KDM2B: variants seen among roughly 807,000 people sequenced by gnomAD.
KDM2B encodes the protein lysine-specific demethylase 2B.
KDM2B carries 26 observed loss-of-function variants against 150.0 expected under a neutral mutation model. The observed-to-expected ratio is 0.17, with a 90% confidence interval of 0.13 to 0.24. The LOEUF is 0.24. Among genes scored for constraint, KDM2B ranks in the 10% least tolerant of loss-of-function variants. KDM2B has a pLI of 1.00. For synonymous variants in KDM2B, 734 were observed against 729.5 expected (o/e 1.01, Z -0.10); for missense variants, 1,265 against 1,816.9 (o/e 0.70, Z 5.52).
intron 12 of KDM2B, among the ~76,000 whole-genome samples, chr12:121,484,435 G>A (rs1593908838): frequency 6.6e-6 from 1 of 152,200 alleles, no homozygotes; most frequent in Non-Finnish European, 1.5e-5. Context: ...ATGAAAGGAA[G>A]ATGAGAGGAA....
rs1370221987 is a variant in KDM2B at position 121,572,729 on chromosome 12, C to T, written c.397+1818G>A. On this transcript the variant is annotated intron_variant, in intron 4 of 22. Coordinates refer to ENST00000377071, the MANE Select transcript of KDM2B (RefSeq NM_032590.5). ...CTGGAGTGAAGTGATGCAATCATGG[C>T]CTGCGGGCGTGAACTCCTGGGCTCA... Among the ~76,000 whole-genome samples the T allele has an allele frequency of 1.3e-5, 2 of 152,108 alleles. 1 individual carries two copies. Among genetic ancestry groups the T allele is most frequent in the Admixed American group, 1.3e-4 (2 of 15,258 alleles).
At chr12:121,496,706 G>A (rs1883985285) in intron 11 of KDM2B, among the ~76,000 whole-genome samples, 1 of 152,092 alleles carries the variant, frequency 6.6e-6, no homozygotes, top group African/African-American at 2.4e-5. Flanking sequence ...TGCACAGGCT[G>A]GTCTTGAATT....
chr12:121,442,934 C>A lies in KDM2B; in HGVS notation c.2604+58G>T. The A allele has an allele frequency of 6.2e-7, 1 of 1,601,312 alleles. No homozygotes were observed. Among genetic ancestry groups the A allele is most frequent in the Non-Finnish European group, 8.5e-7 (1 of 1,173,820 alleles). On this transcript the variant is annotated intron_variant, in intron 18 of 22. Coordinates refer to ENST00000377071, the MANE Select transcript of KDM2B (RefSeq NM_032590.5). The surrounding 1 kb of genome is among the most constrained non-coding windows in gnomAD (Gnocchi z 7.7). ...TGCCACGGGACTGTGGCCCAGGGAG[C>A]TGCGGTGCAGCTCTAACCGCTCAGG...
the KDM2B span, chr12:121,409,362 A>G: frequency 6.6e-6 from 1 of 152,238 alleles, no homozygotes; most frequent in Non-Finnish European, 1.5e-5. Flanking sequence ...ACAGAAAAAC[A>G]TGTAGACAGG....
chr12:121,433,544 G>C (rs781962575), intron 22 of KDM2B, among the ~76,000 whole-genome samples: 3 of 152,100 alleles, frequency 2.0e-5, no homozygotes, highest in Non-Finnish European at 4.4e-5. Context: ...AACCAAGGAA[G>C]AACTTGTACT....
At chr12:121,420,171 A>G in the KDM2B span, 36 of 1,398,892 alleles carry the variant, frequency 2.6e-5, no homozygotes, top group African/African-American at 7.1e-5. Context: ...GGGAGCATCA[A>G]TGACAAGGTT....
chr12:121,467,106 T>C lies in KDM2B; in HGVS notation c.1735-13762A>G. 9.4e-7 allele frequency: 1 copy of C among 1,058,366 alleles called. No individual in the cohort carries two copies. Among genetic ancestry groups the C allele is most frequent in the South Asian group, 1.8e-5 (1 of 56,108 alleles). 65.6% of individuals were successfully genotyped at this position (1,058,366 alleles called of 1,614,324 possible). ...CGCCCTCGGCGCGTCAGACAGGCGG[T>C]CGGGAGGTCGTGCGGCGGGTCCCTC... On this transcript the variant is annotated intron_variant, in intron 12 of 22. Transcript: ENST00000377071. The surrounding 1 kb of genome is among the most constrained non-coding windows in gnomAD (Gnocchi z 5.1).
chr12:121,571,332 A>C (rs1555315848), intron 4 of KDM2B, among the ~76,000 whole-genome samples: 1 of 152,226 alleles, frequency 6.6e-6, no homozygotes, highest in Non-Finnish European at 1.5e-5. Flanking sequence ...TCTGTCACCC[A>C]GGCTGGAGTG....
chr12:121,475,782 C>T (rs1305861285), intron 12 of KDM2B, among the ~76,000 whole-genome samples: 3 of 151,202 alleles, frequency 2.0e-5, no homozygotes, highest in African/African-American at 7.3e-5. Context: ...AAGACTAACC[C>T]CCCTGCCCCA....
At chr12:121,437,117 A>G (rs61955132) in intron 22 of KDM2B, among the ~76,000 whole-genome samples, 54,048 of 151,816 alleles carry the variant, frequency 0.36, 10,111 homozygotes, top group East Asian at 0.44. Context: ...GGATGGCAGC[A>G]GTGGGGCGGG....
chr12:121,566,775 T>C (rs1555315035), intron 4 of KDM2B, among the ~76,000 whole-genome samples: 4 of 152,098 alleles, frequency 2.6e-5, no homozygotes, highest in Non-Finnish European at 5.9e-5. Flanking sequence ...CAACCTGGGC[T>C]ACAGAGCAAG....
intron 12 of KDM2B, among the ~76,000 whole-genome samples, chr12:121,466,223 C>T (rs1156978159): frequency 2.6e-5 from 4 of 152,134 alleles, no homozygotes; most frequent in Admixed American, 2.0e-4. Flanking sequence ...TTTATGCACC[C>T]AAGTCCGTCC....
chr12:121,464,549 G>C (rs1555294402), intron 12 of KDM2B, among the ~76,000 whole-genome samples: 1 of 152,232 alleles, frequency 6.6e-6, no homozygotes, highest in Non-Finnish European at 1.5e-5. Flanking sequence ...TCTCAGGTGG[G>C]GATGAGAAGT....
At chr12:121,569,440 G>C (rs1555315566) in intron 4 of KDM2B, among the ~76,000 whole-genome samples, 1 of 152,196 alleles carries the variant, frequency 6.6e-6, no homozygotes, top group Non-Finnish European at 1.5e-5. Context: ...GAAAGAGGGA[G>C]TCGAAGTGGG....
At chr12:121,547,691 C>T (rs1889174347) in intron 6 of KDM2B, among the ~76,000 whole-genome samples, 1 of 149,948 alleles carries the variant, frequency 6.7e-6, no homozygotes. Flanking sequence ...GCTCTGTCGC[C>T]CAGGCTGGAG....
chr12:121,534,348 CA>C (rs371399318), intron 7 of KDM2B, 148 bp downstream of exon 7: 98,924 of 469,910 alleles, frequency 0.21, 1,225 homozygotes, highest in South Asian at 0.31. Context: ...GACTCCATCT[CA>C]AAAAAAAAAA....
rs1369457183 is a variant in KDM2B at position 121,468,241 on chromosome 12, G to A, written c.1735-14897C>T. The A allele has an allele frequency of 6.6e-6, 1 of 152,310 alleles. No homozygotes were observed. The highest frequency in any genetic ancestry group is 1.5e-5 in the Non-Finnish European group (1 of 68,176). The allele number at this position is 152,310 out of a possible 1,614,324, so 9.4% of individuals were successfully genotyped here. ...GTTTCTGAATTCTTAAGCTGCAAAG[G>A]TTCCTAGTGCTCACTCCAGCTGCAG... On this transcript the variant is annotated intron_variant, in intron 12 of 22. Coordinates refer to ENST00000377071, the MANE Select transcript of KDM2B (RefSeq NM_032590.5). The surrounding 1 kb of genome is among the most constrained non-coding windows in gnomAD (Gnocchi z 4.0).
chr12:121,574,418 G>A, intron 4 of KDM2B, 129 bp downstream of exon 4: 1 of 809,022 alleles, frequency 1.2e-6, no homozygotes, highest in East Asian at 2.6e-5. Flanking sequence ...GCTCACACCT[G>A]CTCCTGCCTT....
chr12:121,570,050 T>G (rs527679152), intron 4 of KDM2B, among the ~76,000 whole-genome samples: 2 of 151,488 alleles, frequency 1.3e-5, no homozygotes, highest in African/African-American at 2.4e-5. Context: ...GTTTTTTTGG[T>G]TTTGTTTTGT....
Sources: allele counts gnomAD v4.1 joint callset (sites outside exome capture counted in the v4.1 genomes callset), GRCh38; gene constraint gnomAD v4.1.1; non-coding constraint Gnocchi (gnomAD v3.1); transcripts MANE v1.5; gene names NCBI Gene and HGNC (gene_info 2026-07-23, HGNC 2026-07-21).